NSG2: variants seen among roughly 807,000 people sequenced by gnomAD.
NSG2 encodes the protein neuronal vesicle trafficking-associated protein 2.
NSG2 carries 4 observed loss-of-function variants against 16.9 expected under a neutral mutation model. The ratio of observed to expected loss-of-function variants is 0.24; its 90% CI spans 0.12 to 0.54. The LOEUF (loss-of-function observed/expected upper bound fraction) is 0.54, where lower values mean the gene tolerates loss of function less well. Among genes scored for constraint, NSG2 ranks in the 20% least tolerant of loss-of-function variants. The pLI is 0.95. For synonymous variants in NSG2, 98 were observed against 88.7 expected (o/e 1.11, Z -0.59); for missense variants, 179 against 221.1 (o/e 0.81, Z 1.21).
chr5:174,098,288 G>A (rs1245117967), intron 3 of NSG2, among the ~76,000 whole-genome samples: 1 of 152,188 alleles, frequency 6.6e-6, no homozygotes, highest in African/African-American at 2.4e-5. Flanking sequence ...GGGTGGTTGA[G>A]GGGGTGCAGG....
chr5:174,081,887 CAAAAAAAA>C (rs60742273), intron 3 of NSG2, among the ~76,000 whole-genome samples: 3 of 70,198 alleles, frequency 4.3e-5, no homozygotes, highest in African/African-American at 1.3e-4. Flanking sequence ...GACTCCGACT[CAAAAAAAA>C]AAAAAAAAAA....
At chr5:174,059,997 G>C (rs534620943) in intron 2 of NSG2, among the ~76,000 whole-genome samples, 1 of 152,252 alleles carries the variant, frequency 6.6e-6, no homozygotes, top group East Asian at 1.9e-4. Context: ...CTTCACTAGG[G>C]ACCATCACTG....
intron 2 of NSG2, 106 bp downstream of exon 2, chr5:174,046,990 C>A: frequency 9.2e-7 from 1 of 1,092,042 alleles, no homozygotes; most frequent in Non-Finnish European, 1.3e-6. Flanking sequence ...TCTTATCTGC[C>A]AAATGTGCTC....
intron 3 of NSG2, among the ~76,000 whole-genome samples, chr5:174,093,182 G>C (rs1201950779): frequency 6.6e-6 from 1 of 152,062 alleles, no homozygotes; most frequent in African/African-American, 2.4e-5. Flanking sequence ...TTGTACAATG[G>C]GCACACTGAT....
intron 3 of NSG2, among the ~76,000 whole-genome samples, chr5:174,090,181 A>G (rs913959652): frequency 6.6e-6 from 1 of 152,264 alleles, no homozygotes; most frequent in Non-Finnish European, 1.5e-5. Context: ...ATATGGCTGT[A>G]TGCATGGCTG....
intron 2 of NSG2, among the ~76,000 whole-genome samples, chr5:174,052,712 C>T (rs1010819364): frequency 6.6e-6 from 1 of 152,178 alleles, no homozygotes. Flanking sequence ...CTACCATAAT[C>T]CCCATTTTAC....
chr5:174,081,355 T>A (rs1042167987), intron 3 of NSG2, among the ~76,000 whole-genome samples: 1 of 152,062 alleles, frequency 6.6e-6, no homozygotes, highest in Non-Finnish European at 1.5e-5. Flanking sequence ...GATGTTTTTT[T>A]CCCCCCCAAA....
chr5:174,081,817 G>A (rs960739202), intron 3 of NSG2, among the ~76,000 whole-genome samples: 5 of 150,106 alleles, frequency 3.3e-5, no homozygotes, highest in Admixed American at 3.3e-4. Context: ...ATGAACCCGG[G>A]AGGCAGAGCT....
intron 3 of NSG2, among the ~76,000 whole-genome samples, chr5:174,102,260 G>T (rs1760906364): frequency 6.6e-6 from 1 of 152,094 alleles, no homozygotes; most frequent in Non-Finnish European, 1.5e-5. Context: ...ATTTAAAACT[G>T]CCAACAGACA....
rs539218007 is a variant in NSG2 at position 174,100,354 on chromosome 5, A to G, written c.214-3874A>G. Among the ~76,000 whole-genome samples the G allele has an allele frequency of 2.1e-3, 315 of 152,356 alleles. 1 individual carries two copies. The highest frequency in any genetic ancestry group is 1.7e-3 in the Non-Finnish European group (117 of 68,030). On this transcript the variant is annotated intron_variant, in intron 3 of 4. Transcript: ENST00000303177. The stretch of plus-strand genomic sequence containing the variant: ...GGTGTAGTTGGTTTGAGATAGGGCT[A>G]GAGCTCCAGGATCATTTGAAACGTT...
chr5:174,066,356 T>G (rs1041846662), intron 3 of NSG2: 2 of 432,414 alleles, frequency 4.6e-6, no homozygotes, highest in Non-Finnish European at 9.5e-6. Context: ...GGGTCAAATT[T>G]ACCTGCCTTC....
chr5:174,082,284 T>C (rs1290111228), intron 3 of NSG2: 2 of 152,248 alleles, frequency 1.3e-5, no homozygotes, highest in African/African-American at 4.8e-5. Flanking sequence ...GTACAAGACG[T>C]GGCTTACAAT....
At chr5:174,055,050 A>C (rs1759946115) in intron 2 of NSG2, among the ~76,000 whole-genome samples, 1 of 152,164 alleles carries the variant, frequency 6.6e-6, no homozygotes, top group Admixed American at 6.5e-5. Flanking sequence ...AACATGATCT[A>C]TTTAGTCCCA....
intron 3 of NSG2, among the ~76,000 whole-genome samples, chr5:174,069,790 T>G (rs1383845833): frequency 1.3e-5 from 2 of 152,020 alleles, no homozygotes; most frequent in Non-Finnish European, 2.9e-5. Context: ...GGGTAGCCAG[T>G]TCATTGTCAG....
intron 3 of NSG2, among the ~76,000 whole-genome samples, chr5:174,097,773 C>A (rs1760827392): frequency 7.2e-6 from 1 of 139,594 alleles, no homozygotes. Flanking sequence ...GTGTGTGTAC[C>A]TTTCTCTCAG....
intron 4 of NSG2, among the ~76,000 whole-genome samples, chr5:174,105,992 G>A (rs761950327): frequency 3.3e-5 from 5 of 152,184 alleles, no homozygotes; most frequent in African/African-American, 4.8e-5. Flanking sequence ...CCCAGTGGAC[G>A]TCACTACAAC....
intron 4 of NSG2, among the ~76,000 whole-genome samples, chr5:174,105,254 T>C (rs1160732692): frequency 6.6e-6 from 1 of 152,182 alleles, no homozygotes; most frequent in Non-Finnish European, 1.5e-5. Flanking sequence ...AAATAGGAAG[T>C]GTGCCAGCCT....
At chr5:174,066,793 G>A (rs1268048773) in intron 3 of NSG2, among the ~76,000 whole-genome samples, 4 of 151,750 alleles carry the variant, frequency 2.6e-5, no homozygotes, top group Non-Finnish European at 4.4e-5. Flanking sequence ...GATCGAGACC[G>A]TCCCGGCTAA....
chr5:174,097,306 G>A (rs545779818), intron 3 of NSG2, among the ~76,000 whole-genome samples: 2 of 152,176 alleles, frequency 1.3e-5, no homozygotes, highest in South Asian at 2.1e-4. Flanking sequence ...CAAGGTTAAG[G>A]TGCTTTTGTT....
Sources: allele counts gnomAD v4.1 joint callset (sites outside exome capture counted in the v4.1 genomes callset), GRCh38; gene constraint gnomAD v4.1.1; transcripts MANE v1.5; gene names NCBI Gene and HGNC (gene_info 2026-07-23, HGNC 2026-07-21).